The following CNTN6 variants were observed in gnomAD, a reference collection of about 807,000 sequenced individuals.
CNTN6 encodes contactin 6.
In CNTN6, 137 loss-of-function variants were observed where a neutral mutation model predicts 122.8. The observed-to-expected ratio is 1.12, with a 90% CI of 0.97 to 1.29. The LOEUF (loss-of-function observed/expected upper bound fraction) is 1.29. Ranked by LOEUF, CNTN6 falls within the 50% of genes most tolerant of loss-of-function variation. The pLI, the probability that CNTN6 is intolerant of heterozygous loss-of-function variation, is 0.00. For synonymous variants in CNTN6, 570 were observed against 426.0 expected (o/e 1.34, Z -4.16); for missense variants, 1,634 against 1,223.4 (o/e 1.34, Z -5.01).
At chr3:1,192,447 A>G (rs1271122601) in intron 2 of CNTN6, among the ~76,000 whole-genome samples, 2 of 152,150 alleles carry the variant, frequency 1.3e-5, no homozygotes, top group Non-Finnish European at 2.9e-5. Flanking sequence ...TGGAGCCCAC[A>G]TGGACCATAC....
At chr3:1,302,292 A>T (rs1697569858) in intron 7 of CNTN6, among the ~76,000 whole-genome samples, 1 of 152,076 alleles carries the variant, frequency 6.6e-6, no homozygotes, top group African/African-American at 2.4e-5. Context: ...ATCCTTCTAA[A>T]TCTTCCTGTC....
intron 1 of CNTN6, among the ~76,000 whole-genome samples, chr3:1,120,483 A>G (rs2091908733): frequency 6.6e-6 from 1 of 151,862 alleles, no homozygotes; most frequent in African/African-American, 2.4e-5. Context: ...GACTCTACAT[A>G]TTTTACTTTG....
intron 7 of CNTN6, among the ~76,000 whole-genome samples, chr3:1,321,179 T>C (rs2125970182): frequency 6.6e-6 from 1 of 151,826 alleles, no homozygotes; most frequent in Admixed American, 6.6e-5. Context: ...ATTTTTGCCT[T>C]AGAAACTATA....
At chr3:1,140,183 C>T (rs1482400862) in intron 1 of CNTN6, among the ~76,000 whole-genome samples, 1 of 152,156 alleles carries the variant, frequency 6.6e-6, no homozygotes, top group Non-Finnish European at 1.5e-5. Context: ...TACAAATCCT[C>T]AAAGCTATAG....
intron 2 of CNTN6, among the ~76,000 whole-genome samples, chr3:1,207,756 A>G (rs1159282252): frequency 6.6e-6 from 1 of 152,128 alleles, no homozygotes; most frequent in African/African-American, 2.4e-5. Flanking sequence ...TGGTTCTCGC[A>G]CATAGTAATC....
chr3:1,114,074 G>A (rs1247329661), intron 1 of CNTN6, among the ~76,000 whole-genome samples: 1 of 152,156 alleles, frequency 6.6e-6, no homozygotes, highest in Non-Finnish European at 1.5e-5. Context: ...TCGGCAATCA[G>A]GGAAGTCTTT....
Position 1,265,044 on chromosome 3 carries a change from C to CT in CNTN6, c.359-13350dup, listed in dbSNP as rs201949693. Among the ~76,000 whole-genome samples the CT allele has an allele frequency of 5.9e-3, 593 of 100,706 alleles. 4 individuals carry two copies. Among genetic ancestry groups the CT allele is most frequent in the Non-Finnish European group, 7.8e-3 (406 of 51,728 alleles). 66.1% of individuals were successfully genotyped at this position (100,706 alleles called of 152,430 possible). On this transcript the variant is annotated intron_variant, in intron 4 of 22. Transcript: ENST00000446702. ...ATGTTGCCACAAATGACCGAATTTC[C>CT]TTTTTTTTTTTTTTTTTTTGGCTGG...
chr3:1,240,309 TCAAA>T (rs776533128), intron 4 of CNTN6, among the ~76,000 whole-genome samples: 6 of 151,854 alleles, frequency 4.0e-5, no homozygotes, highest in African/African-American at 1.2e-4. Context: ...TACAAGGAAC[TCAAA>T]CAAATCAGCA....
chr3:1,129,154 T>TCTTGAGAGAC (rs1237874098), intron 1 of CNTN6, among the ~76,000 whole-genome samples: 1 of 152,052 alleles, frequency 6.6e-6, no homozygotes, highest in Non-Finnish European at 1.5e-5. Flanking sequence ...ATTTAATCAA[T>TCTTGAGAGAC]CTTGAGAGAC....
intron 1 of CNTN6, among the ~76,000 whole-genome samples, chr3:1,100,997 T>C (rs2090862440): frequency 6.6e-6 from 1 of 152,208 alleles, no homozygotes; most frequent in Non-Finnish European, 1.5e-5. Context: ...GATGTTGTTT[T>C]CTATGGGAGA....
chr3:1,354,281 C>G (rs1407228851), intron 12 of CNTN6, among the ~76,000 whole-genome samples: 1 of 149,778 alleles, frequency 6.7e-6, no homozygotes, highest in Non-Finnish European at 1.5e-5. Context: ...TCTACACTTT[C>G]AAGTATTCCA....
chr3:1,258,459 C>T (rs2094794268), intron 4 of CNTN6, among the ~76,000 whole-genome samples: 2 of 152,204 alleles, frequency 1.3e-5, no homozygotes, highest in East Asian at 1.9e-4. Context: ...ATTTCCCTTT[C>T]ACTGTTGTAA....
At chr3:1,223,941 G>T (rs929442379) in intron 3 of CNTN6, among the ~76,000 whole-genome samples, 1 of 152,030 alleles carries the variant, frequency 6.6e-6, no homozygotes, top group Non-Finnish European at 1.5e-5. Flanking sequence ...TGCACACATC[G>T]TATAATTTGT....
At chr3:1,335,944 G>A (rs1009374804) in intron 11 of CNTN6, among the ~76,000 whole-genome samples, 8 of 151,974 alleles carry the variant, frequency 5.3e-5, no homozygotes, top group African/African-American at 9.7e-5. Flanking sequence ...GGGTGGGAAC[G>A]GGTGTTGAGG....
At chr3:1,210,742 A>G (rs1342723230) in intron 2 of CNTN6, among the ~76,000 whole-genome samples, 1 of 152,206 alleles carries the variant, frequency 6.6e-6, no homozygotes, top group Non-Finnish European at 1.5e-5. Flanking sequence ...GTCAGGTTCA[A>G]CTACATCATT....
intron 19 of CNTN6, 36 bp from the exon 20 acceptor site, chr3:1,385,575 A>G (rs1279397986): frequency 1.3e-6 from 2 of 1,513,132 alleles, no homozygotes; most frequent in East Asian, 2.3e-5. Context: ...GTTATTGGGG[A>G]ACAATAAATT....
intron 17 of CNTN6, among the ~76,000 whole-genome samples, chr3:1,378,944 T>C (rs1327510289): frequency 2.0e-5 from 3 of 152,168 alleles, no homozygotes; most frequent in African/African-American, 7.2e-5. Context: ...ACACTGACTT[T>C]CAAATGAGTC....
At chr3:1,349,932 A>G (rs1028136971) in intron 11 of CNTN6, among the ~76,000 whole-genome samples, 2 of 151,862 alleles carry the variant, frequency 1.3e-5, no homozygotes, top group South Asian at 2.1e-4. Context: ...TTGAATGTCT[A>G]TATCCTAGAT....
intron 1 of CNTN6, among the ~76,000 whole-genome samples, chr3:1,130,738 T>C (rs1174295312): frequency 6.6e-6 from 1 of 152,146 alleles, no homozygotes; most frequent in Non-Finnish European, 1.5e-5. Flanking sequence ...CAACAATGTT[T>C]GATCAGTACA....
Sources: gnomAD v4.1 joint callset for allele counts (sites outside exome capture counted in the v4.1 genomes callset) on GRCh38, gnomAD v4.1.1 for gene constraint, MANE v1.5 for transcripts, NCBI Gene and HGNC (gene_info 2026-07-23, HGNC 2026-07-21) for gene names.